ANKS1B: variants seen among roughly 807,000 people sequenced by gnomAD.
ANKS1B encodes ankyrin repeat and sterile alpha motif domain containing 1B.
ANKS1B carries 36 observed loss-of-function variants against 148.3 expected under a neutral mutation model. The observed-to-expected ratio is 0.24, with a 90% confidence interval of 0.19 to 0.32. The LOEUF (loss-of-function observed/expected upper bound fraction) is 0.32, where lower values mean the gene tolerates loss of function less well. Among genes scored for constraint, ANKS1B ranks in the 10% least tolerant of loss-of-function variants. ANKS1B has a pLI of 1.00. For missense variants in ANKS1B, 1,157 were observed against 1,542.6 expected (o/e 0.75, Z 4.19); for synonymous variants, 542 against 560.8 (o/e 0.97, Z 0.47).
chr12:99,548,412 TGGAAAGAAAGA>T (rs2097189801), intron 9 of ANKS1B, among the ~76,000 whole-genome samples: 1 of 152,102 alleles, frequency 6.6e-6, no homozygotes, highest in Non-Finnish European at 1.5e-5. Context: ...TAAGTATCTG[TGGAAAGAAAGA>T]AGGAAGAAAT....
At chr12:99,702,726 G>C (rs76933603) in intron 8 of ANKS1B, among the ~76,000 whole-genome samples, 1 of 116,566 alleles carries the variant, frequency 8.6e-6, no homozygotes, top group Non-Finnish European at 1.8e-5. Context: ...TTTTTTTTTT[G>C]TAGAGGCAGA....
At chr12:99,621,743 T>C (rs2098053901) in intron 9 of ANKS1B, among the ~76,000 whole-genome samples, 1 of 151,998 alleles carries the variant, frequency 6.6e-6, no homozygotes. Context: ...TTGAAGCATC[T>C]GGATTCATAA....
Position 99,249,277 on chromosome 12 carries a change from G to A in ANKS1B, c.1757-2413C>T, listed in dbSNP as rs146034053. Among the ~76,000 whole-genome samples, 13 of 152,232 alleles carry A rather than the reference G, an allele frequency of 8.5e-5. No homozygotes were observed. In the East Asian group the frequency reaches 2.5e-3, roughly 29 times the overall value. ...AATCTCAGCCAAAAGAGTTTCCGAC[G>A]ATGTTCATTATCTAGAAAAATGAGA... On this transcript the variant is annotated intron_variant, in intron 12 of 26. Transcript: ENST00000683438.
At chr12:99,466,761 G>T (rs1268355877) in intron 10 of ANKS1B, among the ~76,000 whole-genome samples, 2 of 152,124 alleles carry the variant, frequency 1.3e-5, no homozygotes, top group South Asian at 4.1e-4. Context: ...TCTATGAATA[G>T]ACCAATAACA....
chr12:98,973,743 T>C (rs760014079), intron 17 of ANKS1B, among the ~76,000 whole-genome samples: 3 of 152,192 alleles, frequency 2.0e-5, no homozygotes, highest in Non-Finnish European at 4.4e-5. Context: ...TCTATTGTTA[T>C]AGTTTCTATT....
At chr12:99,089,112 ACCG>A (rs2053149430) in intron 15 of ANKS1B, among the ~76,000 whole-genome samples, 1 of 151,498 alleles carries the variant, frequency 6.6e-6, no homozygotes. Context: ...GGCGTGAGCA[ACCG>A]CTCATTTTTC....
chr12:99,668,546 T>C (rs1322335515), intron 8 of ANKS1B, among the ~76,000 whole-genome samples: 2 of 152,094 alleles, frequency 1.3e-5, no homozygotes, highest in African/African-American at 4.8e-5. Flanking sequence ...ATATTCTTGG[T>C]TCTTATTTGC....
At chr12:98,895,328 C>T in intron 17 of ANKS1B, 2 of 984,934 alleles carry the variant, frequency 2.0e-6, no homozygotes, top group Non-Finnish European at 2.4e-6. Context: ...TCCGCGCACT[C>T]CGGGAGGCCG....
intron 17 of ANKS1B, among the ~76,000 whole-genome samples, chr12:98,940,388 G>C (rs976532832): frequency 1.3e-5 from 2 of 152,128 alleles, no homozygotes; most frequent in African/African-American, 2.4e-5. Context: ...GAGGGAGAGA[G>C]GAAGAGAGAA....
At chr12:99,942,938 G>C (rs1234623496) in intron 1 of ANKS1B, among the ~76,000 whole-genome samples, 3 of 152,032 alleles carry the variant, frequency 2.0e-5, no homozygotes, top group African/African-American at 7.2e-5. Flanking sequence ...GTGTTATCAG[G>C]GTATTTGATT....
At chr12:98,804,205 C>G (rs1324761539) in intron 20 of ANKS1B, among the ~76,000 whole-genome samples, 1 of 152,078 alleles carries the variant, frequency 6.6e-6, no homozygotes, top group Non-Finnish European at 1.5e-5. Context: ...TTCTTTGTGG[C>G]CTTCAAATAT....
chr12:99,096,858 C>T (rs1372679438), intron 15 of ANKS1B, among the ~76,000 whole-genome samples: 3 of 152,146 alleles, frequency 2.0e-5, no homozygotes, highest in Non-Finnish European at 4.4e-5. Flanking sequence ...GAATATTCAA[C>T]TGGTACTAAA....
intron 14 of ANKS1B, among the ~76,000 whole-genome samples, chr12:99,236,593 A>G (rs1397412739): frequency 1.3e-5 from 2 of 152,190 alleles, no homozygotes; most frequent in Non-Finnish European, 2.9e-5. Context: ...ACATATCAGG[A>G]TTACAATTCA....
At position 99,728,259 on chromosome 12, in the gene ANKS1B, A is replaced by G. The variant is rs552597162; in HGVS notation, c.1128+44663T>C. ...CAAAGGTCTAATATCCAGAATCTAC[A>G]AGGAACTTAAACAAATTTACAAGAA... On this transcript the variant is annotated intron_variant, in intron 8 of 26. Coordinates refer to ENST00000683438, the MANE Select transcript of ANKS1B (RefSeq NM_001352186.2). 1.6e-3 allele frequency among the ~76,000 whole-genome samples: 251 copies of G among 152,306 alleles called. 1 individual carries two copies. The highest frequency in any genetic ancestry group is 5.7e-3 in the African/African-American group (239 of 41,580).
intron 1 of ANKS1B, among the ~76,000 whole-genome samples, chr12:99,930,906 C>T (rs1253330006): frequency 2.0e-5 from 3 of 152,070 alleles, no homozygotes; most frequent in Non-Finnish European, 4.4e-5. Flanking sequence ...ATGTTTATAG[C>T]GGCACTATTC....
At chr12:98,903,563 G>A (rs967341862) in intron 17 of ANKS1B, among the ~76,000 whole-genome samples, 4 of 152,230 alleles carry the variant, frequency 2.6e-5, no homozygotes, top group Middle Eastern at 3.2e-3. Context: ...TGAAGCCAGC[G>A]CAGAGAAAAG....
rs189700011 is a variant in ANKS1B, at chr12:99,403,458, C to T, written c.1576-3647G>A. On this transcript the variant is annotated intron_variant, in intron 11 of 26. Coordinates refer to ENST00000683438, the MANE Select transcript of ANKS1B (RefSeq NM_001352186.2). ...AGGCGTGAACGACCATACCCAGCCC[C>T]CAATGCCCACTTTTTAATGGGGGTT... Among the ~76,000 whole-genome samples the T allele has an allele frequency of 1.3e-4, 18 of 138,294 alleles. 1 individual carries two copies. The South Asian group carries it at 2.4e-3, about 18-fold the overall frequency. 90.7% of individuals were successfully genotyped at this position (138,294 alleles called of 152,430 possible).
At chr12:99,582,775 T>C (rs2097583265) in intron 9 of ANKS1B, among the ~76,000 whole-genome samples, 1 of 152,108 alleles carries the variant, frequency 6.6e-6, no homozygotes. Context: ...TTGACAGTTA[T>C]CAAACCTCAT....
chr12:99,875,780 G>A (rs187814773), intron 1 of ANKS1B, among the ~76,000 whole-genome samples: 144 of 152,288 alleles, frequency 9.5e-4, no homozygotes, highest in African/African-American at 2.9e-3. Context: ...GTGTCTCCAC[G>A]TGCAAAGCTC....
Sources: allele counts gnomAD v4.1 joint callset (sites outside exome capture counted in the v4.1 genomes callset), GRCh38; gene constraint gnomAD v4.1.1; transcripts MANE v1.5; gene names NCBI Gene and HGNC (gene_info 2026-07-23, HGNC 2026-07-21).